THRB: variants seen among roughly 807,000 people sequenced by gnomAD.
THRB encodes the protein thyroid hormone receptor beta.
THRB carries 12 observed loss-of-function variants against 47.8 expected under a neutral mutation model. The ratio of observed to expected loss-of-function variants is 0.25; its 90% CI spans 0.16 to 0.41. The LOEUF (loss-of-function observed/expected upper bound fraction) is 0.41, where lower values mean the gene tolerates loss of function less well. Among genes scored for constraint, THRB ranks in the 10% least tolerant of loss-of-function variants. The pLI is 1.00. For synonymous variants in THRB, 218 were observed against 212.2 expected, an observed-to-expected ratio of 1.03 and a Z score of -0.24; for missense variants, 348 against 589.2, an observed-to-expected ratio of 0.59 and a Z score of 4.24.
chr3:24,273,805 C>G lies in THRB; in HGVS notation c.-43+23421G>C, dbSNP rs985890597. 2.1e-4 allele frequency among the ~76,000 whole-genome samples: 32 copies of G among 151,300 alleles called. 1 individual carries two copies. Among genetic ancestry groups the G allele is most frequent in the Non-Finnish European group, 8.8e-5 (6 of 67,810 alleles). ...TATCTTCCCGAACCCCCCCACCCCT[C>G]AAAAACCCAAGCAAACAAAACTGAA... On this transcript the variant is annotated intron_variant, in intron 3 of 10. Coordinates refer to ENST00000646209, the MANE Select transcript of THRB (RefSeq NM_001354712.2).
chr3:24,282,730 C>T (rs1396833667), intron 3 of THRB, among the ~76,000 whole-genome samples: 1 of 149,188 alleles, frequency 6.7e-6, no homozygotes, highest in East Asian at 1.9e-4. Context: ...CAAATAGACG[C>T]AATAAAAAAT....
intron 4 of THRB, among the ~76,000 whole-genome samples, chr3:24,196,145 T>C (rs2043929368): frequency 6.6e-6 from 1 of 152,146 alleles, no homozygotes; most frequent in Non-Finnish European, 1.5e-5. Flanking sequence ...GTGATGTGGA[T>C]GTACATGATG....
chr3:24,387,167 T>G (rs1029281743), intron 1 of THRB, among the ~76,000 whole-genome samples: 9 of 152,180 alleles, frequency 5.9e-5, no homozygotes, highest in African/African-American at 2.2e-4. Flanking sequence ...AAACAGTTGT[T>G]GGCACAAAAC....
intron 3 of THRB, among the ~76,000 whole-genome samples, chr3:24,285,047 A>G (rs1230078418): frequency 2.6e-5 from 4 of 152,040 alleles, no homozygotes; most frequent in Non-Finnish European, 5.9e-5. Context: ...ATCTAGAACT[A>G]GACATACCAT....
At chr3:24,408,220 C>T (rs976720657) in intron 1 of THRB, among the ~76,000 whole-genome samples, 1 of 151,786 alleles carries the variant, frequency 6.6e-6, no homozygotes, top group African/African-American at 2.4e-5. Context: ...CTTATTTTCT[C>T]TTAGAAGTGA....
chr3:24,448,232 A>G (rs2125494032), intron 1 of THRB, among the ~76,000 whole-genome samples: 1 of 152,270 alleles, frequency 6.6e-6, no homozygotes, highest in South Asian at 2.1e-4. Flanking sequence ...GGATGTAAGT[A>G]TAACTTAACT....
At chr3:24,376,476 C>A (rs528471286) in intron 1 of THRB, among the ~76,000 whole-genome samples, 2 of 152,248 alleles carry the variant, frequency 1.3e-5, no homozygotes, top group South Asian at 4.1e-4. Context: ...TAGGGGGTTT[C>A]TTGAGCCTTT....
At chr3:24,147,750 A>C (rs905417455) in intron 6 of THRB, among the ~76,000 whole-genome samples, 1 of 152,222 alleles carries the variant, frequency 6.6e-6, no homozygotes, top group Non-Finnish European at 1.5e-5. Flanking sequence ...AGTGCTGTAG[A>C]AACATTCAAT....
chr3:24,158,416 A>G (rs1173370998), intron 5 of THRB, among the ~76,000 whole-genome samples: 3 of 129,266 alleles, frequency 2.3e-5, no homozygotes, highest in African/African-American at 6.4e-5. Context: ...GAGAAAAATG[A>G]TAACTTTTTT....
chr3:24,165,512 C>T, intron 5 of THRB: 1 of 584,454 alleles, frequency 1.7e-6, no homozygotes, highest in Non-Finnish European at 3.0e-6. Flanking sequence ...ACCACCAACA[C>T]AGCAACCCAG....
chr3:24,363,094 T>C (rs1052316757), intron 1 of THRB, among the ~76,000 whole-genome samples: 1 of 152,148 alleles, frequency 6.6e-6, no homozygotes, highest in African/African-American at 2.4e-5. Flanking sequence ...TTTTGGATGA[T>C]CATTTGTAGA....
intron 3 of THRB, among the ~76,000 whole-genome samples, chr3:24,259,971 GT>G (rs2150477218): frequency 6.6e-6 from 1 of 152,188 alleles, no homozygotes; most frequent in African/African-American, 2.4e-5. Flanking sequence ...CATTCACAGA[GT>G]TGTGTGGTCA....
chr3:24,198,118 G>C (rs2044169700), intron 4 of THRB, among the ~76,000 whole-genome samples: 1 of 152,158 alleles, frequency 6.6e-6, no homozygotes, highest in South Asian at 2.1e-4. Flanking sequence ...TTTAACAGTA[G>C]CCTGAAGCTG....
intron 1 of THRB, among the ~76,000 whole-genome samples, chr3:24,409,345 A>C (rs1406089587): frequency 6.6e-6 from 1 of 151,848 alleles, no homozygotes; most frequent in Non-Finnish European, 1.5e-5. Flanking sequence ...TATGATGAAC[A>C]AATAAAATTA....
intron 4 of THRB, among the ~76,000 whole-genome samples, chr3:24,212,942 A>T (rs547702203): frequency 2.4e-4 from 36 of 152,328 alleles, no homozygotes; most frequent in African/African-American, 6.7e-4. Context: ...TGCCAAGATA[A>T]CTGGCAGACG....
chr3:24,203,773 CA>C (rs1208461070), intron 4 of THRB, among the ~76,000 whole-genome samples: 9 of 152,226 alleles, frequency 5.9e-5, no homozygotes, highest in African/African-American at 2.2e-4. Context: ...GAAGCTGTGA[CA>C]GACGGCACCT....
At chr3:24,200,754 T>C (rs1381318339) in intron 4 of THRB, among the ~76,000 whole-genome samples, 1 of 152,206 alleles carries the variant, frequency 6.6e-6, no homozygotes, top group Non-Finnish European at 1.5e-5. Flanking sequence ...AGTTTGGTTT[T>C]TTCTTTGGTT....
At chr3:24,483,499 T>TAA (rs34571938) in intron 1 of THRB, among the ~76,000 whole-genome samples, 562 of 144,662 alleles carry the variant, frequency 3.9e-3, no homozygotes, top group Non-Finnish European at 6.2e-3. Context: ...TAGTTCTCTT[T>TAA]AAAAAAAAAA....
At chr3:24,322,637 G>T (rs961747307) in intron 2 of THRB, among the ~76,000 whole-genome samples, 3 of 152,198 alleles carry the variant, frequency 2.0e-5, no homozygotes, top group African/African-American at 7.2e-5. Context: ...ACTGAAAGCT[G>T]ATTCCTTCAA....
Sources: gnomAD v4.1 joint callset for allele counts (sites outside exome capture counted in the v4.1 genomes callset) on GRCh38, gnomAD v4.1.1 for gene constraint, MANE v1.5 for transcripts, NCBI Gene and HGNC (gene_info 2026-07-23, HGNC 2026-07-21) for gene names.